The following RUNX2 variants were observed in gnomAD, a reference collection of about 807,000 sequenced individuals.
RUNX2 encodes the protein RUNX family transcription factor 2, also known as runt-related transcription factor 2.
Under a neutral mutation model 51.7 loss-of-function variants are expected in RUNX2, and 10 were observed. That is an observed-to-expected ratio of 0.19 (90% CI 0.12 to 0.33). The LOEUF (loss-of-function observed/expected upper bound fraction) is 0.33, where lower values mean the gene tolerates loss of function less well. Ranked by LOEUF, RUNX2 falls within the 10% of genes least tolerant of loss-of-function variation. RUNX2 has a pLI of 1.00. For synonymous variants in RUNX2, 276 were observed against 273.6 expected, an observed-to-expected ratio of 1.01 and a Z score of -0.09; for missense variants, 562 against 691.3, an observed-to-expected ratio of 0.81 and a Z score of 2.10.
At position 45,547,258 on chromosome 6, in the gene RUNX2, T is replaced by A. The variant is rs1199568242; in HGVS notation, c.1519T>A (p.Leu507Met). ...AAGCCACAGCAGTTCCCCAACTGTT[T>A]TGAATTCTAGTGGCAGAATGGATGA... Reference protein sequence around the residue: ...DGSHSSSPTVLNSSGRMDESV... With the variant: ...DGSHSSSPTVMNSSGRMDESV... The change falls in exon 9 of 9, where the codon TTG becomes ATG. Residue 507 changes from leucine to methionine, a missense_variant. By Grantham distance (15) the Leu-to-Met change is conservative (BLOSUM62 2). Transcript: ENST00000647337. 1 of 1,614,222 alleles carries A rather than the reference T, an allele frequency of 6.2e-7. No individual in the cohort carries two copies. The highest frequency in any genetic ancestry group is 2.2e-5 in the East Asian group (1 of 44,884).
chr6:45,383,037 G>A (rs1246316391), intron 2 of RUNX2, among the ~76,000 whole-genome samples: 1 of 152,186 alleles, frequency 6.6e-6, no homozygotes, highest in Non-Finnish European at 1.5e-5. Context: ...GATTGGGGTT[G>A]GAGTATGCTG....
intron 7 of RUNX2, among the ~76,000 whole-genome samples, chr6:45,540,990 A>G (rs1323453006): frequency 1.3e-5 from 2 of 152,228 alleles, no homozygotes; most frequent in Non-Finnish European, 2.9e-5. Context: ...AGAGAGTTGT[A>G]TAAGGTTTTA....
chr6:45,493,992 A>C (rs1253285104), intron 6 of RUNX2, among the ~76,000 whole-genome samples: 2 of 152,188 alleles, frequency 1.3e-5, no homozygotes, highest in African/African-American at 4.8e-5. Context: ...AGATTCACTT[A>C]AGAAGATGCT....
intron 7 of RUNX2, among the ~76,000 whole-genome samples, chr6:45,534,795 T>G (rs1801979940): frequency 6.6e-6 from 1 of 152,230 alleles, no homozygotes; most frequent in African/African-American, 2.4e-5. Context: ...CATTTTTCCC[T>G]TAGACACACA....
chr6:45,511,144 A>G (rs972291504), intron 6 of RUNX2, among the ~76,000 whole-genome samples: 4 of 152,234 alleles, frequency 2.6e-5, no homozygotes, highest in Non-Finnish European at 5.9e-5. Flanking sequence ...AAGAGTTTGA[A>G]ATACATACTT....
At chr6:45,330,464 T>TC (rs1391548603) in intron 2 of RUNX2, among the ~76,000 whole-genome samples, 1 of 151,996 alleles carries the variant, frequency 6.6e-6, no homozygotes, top group African/African-American at 2.4e-5. Flanking sequence ...AGTTACTCTT[T>TC]CACGTTATCA....
At chr6:45,525,938 G>A (rs4714858) in intron 7 of RUNX2, among the ~76,000 whole-genome samples, 30,140 of 151,670 alleles carry the variant, frequency 0.2, 3,431 homozygotes, top group Non-Finnish European at 0.26. Context: ...GCTGCAGTAA[G>A]CTGAGATTGT....
At chr6:45,406,135 G>C (rs1797828755) in intron 2 of RUNX2, among the ~76,000 whole-genome samples, 1 of 152,104 alleles carries the variant, frequency 6.6e-6, no homozygotes, top group South Asian at 2.1e-4. Context: ...GGAAGTCTAT[G>C]ATATGATCAT....
intron 3 of RUNX2, among the ~76,000 whole-genome samples, chr6:45,428,019 T>C (rs1191634292): frequency 1.3e-5 from 2 of 152,136 alleles, no homozygotes; most frequent in Non-Finnish European, 2.9e-5. Flanking sequence ...TCTCATGGAG[T>C]TTCTTGAATT....
chr6:45,338,425 A>G (rs545271466), intron 2 of RUNX2, among the ~76,000 whole-genome samples: 1 of 152,168 alleles, frequency 6.6e-6, no homozygotes, highest in East Asian at 1.9e-4. Context: ...ATCATTTCTG[A>G]TTACTTCAAA....
chr6:45,482,267 T>C (rs1260146894), intron 5 of RUNX2, among the ~76,000 whole-genome samples: 1 of 152,228 alleles, frequency 6.6e-6, no homozygotes, highest in African/African-American at 2.4e-5. Context: ...CGTCTCAAGT[T>C]TTTTTAGTCC....
chr6:45,406,761 T>G (rs1232554789), intron 2 of RUNX2, among the ~76,000 whole-genome samples: 1 of 152,144 alleles, frequency 6.6e-6, no homozygotes, highest in Non-Finnish European at 1.5e-5. Flanking sequence ...TATTATTTTG[T>G]GGGAAAGGAT....
intron 7 of RUNX2, among the ~76,000 whole-genome samples, chr6:45,521,694 C>T (rs1028310857): frequency 2.0e-5 from 3 of 152,132 alleles, no homozygotes; most frequent in Non-Finnish European, 4.4e-5. Flanking sequence ...TGAATTTTTC[C>T]TGTATGCCCC....
At chr6:45,431,160 A>G (rs2150367759) in intron 3 of RUNX2, among the ~76,000 whole-genome samples, 1 of 152,340 alleles carries the variant, frequency 6.6e-6, no homozygotes, top group East Asian at 1.9e-4. Flanking sequence ...AGGATGGCAG[A>G]TGGGACACAA....
rs530417035 is a variant in RUNX2 at position 45,488,510 on chromosome 6, A to G, written c.686-3431A>G. ...GCTATAAATAGGTAGTATTTAGTGC[A>G]TGAGACTGAGATCACCTTGGGCAGT... is the stretch of plus-strand genomic sequence containing the variant. On this transcript the variant is annotated intron_variant, in intron 5 of 8. Coordinates refer to ENST00000647337, the MANE Select transcript of RUNX2 (RefSeq NM_001024630.4). 2.0e-5 allele frequency among the ~76,000 whole-genome samples: 3 copies of G among 152,334 alleles called. No homozygotes were observed. The South Asian group carries it at 6.2e-4, about 32-fold the overall frequency.
chr6:45,340,119 C>T (rs1210737521), intron 2 of RUNX2, among the ~76,000 whole-genome samples: 2 of 152,096 alleles, frequency 1.3e-5, no homozygotes, highest in African/African-American at 4.8e-5. Flanking sequence ...TCCTAGTCCT[C>T]AATCAATTTC....
chr6:45,345,106 T>G (rs561434851), intron 2 of RUNX2, among the ~76,000 whole-genome samples: 1 of 152,246 alleles, frequency 6.6e-6, no homozygotes, highest in African/African-American at 2.4e-5. Context: ...CTGCCTCACA[T>G]GGATGTTTTG....
At chr6:45,349,000 T>C (rs552324668) in intron 2 of RUNX2, among the ~76,000 whole-genome samples, 2 of 152,312 alleles carry the variant, frequency 1.3e-5, no homozygotes, top group African/African-American at 4.8e-5. Context: ...TTAGTAAATG[T>C]TGAATAAATG....
chr6:45,402,834 C>T (rs941934485), intron 2 of RUNX2, among the ~76,000 whole-genome samples: 6 of 152,164 alleles, frequency 3.9e-5, no homozygotes, highest in African/African-American at 1.4e-4. Flanking sequence ...CATCATGCCA[C>T]TACATTCCAG....
Sources: gnomAD v4.1 joint callset for allele counts (sites outside exome capture counted in the v4.1 genomes callset) on GRCh38, gnomAD v4.1.1 for gene constraint, MANE v1.5 for transcripts, NCBI Gene and HGNC (gene_info 2026-07-23, HGNC 2026-07-21) for gene names.